The following XYLT1 variants were observed in gnomAD, a reference collection of about 807,000 sequenced individuals.
XYLT1 encodes the protein beta-D-xylosyltransferase 1.
In XYLT1, 36 loss-of-function variants were observed where a neutral mutation model predicts 91.3. The ratio of observed to expected loss-of-function variants is 0.39; its 90% CI spans 0.30 to 0.52. The LOEUF is 0.52. Among genes scored for constraint, XYLT1 ranks in the 20% least tolerant of loss-of-function variants. The pLI, the probability that XYLT1 is intolerant of heterozygous loss-of-function variation, is 0.68. For missense variants in XYLT1, 1,242 were observed against 1,284.5 expected (o/e 0.97, Z 0.51); for synonymous variants, 588 against 532.0 (o/e 1.11, Z -1.45).
intron 4 of XYLT1, among the ~76,000 whole-genome samples, chr16:17,199,562 C>T (rs534220603): frequency 7.2e-5 from 11 of 152,296 alleles, no homozygotes; most frequent in East Asian, 3.9e-4. Flanking sequence ...ATAATTCCCA[C>T]GTGTTATGGG....
intron 1 of XYLT1, among the ~76,000 whole-genome samples, chr16:17,366,539 A>G (rs566668624): frequency 1.3e-5 from 2 of 152,304 alleles, no homozygotes; most frequent in Admixed American, 1.3e-4. Flanking sequence ...TACTAAAAAT[A>G]TAAAACTTAG....
chr16:17,227,148 T>C (rs2033080318), intron 3 of XYLT1: 1 of 152,274 alleles, frequency 6.6e-6, no homozygotes, highest in South Asian at 2.1e-4. Context: ...TCAGACATGC[T>C]AACCAACAAC....
intron 1 of XYLT1, among the ~76,000 whole-genome samples, chr16:17,401,825 T>C (rs2035972327): frequency 6.6e-6 from 1 of 151,902 alleles, no homozygotes. Context: ...CAGAAATAAT[T>C]AGAAAATAAA....
intron 3 of XYLT1, among the ~76,000 whole-genome samples, chr16:17,218,398 T>G (rs1233533957): frequency 2.0e-5 from 3 of 151,944 alleles, no homozygotes; most frequent in Admixed American, 6.6e-5. Flanking sequence ...CTTTTCTGTA[T>G]TTTTAAGACT....
At chr16:17,222,962 G>C (rs1352958511) in intron 3 of XYLT1, among the ~76,000 whole-genome samples, 4 of 151,212 alleles carry the variant, frequency 2.6e-5, no homozygotes, top group African/African-American at 4.9e-5. Context: ...CGGGGGCTGG[G>C]ACTAGGCGCT....
At chr16:17,125,374 C>A (rs2030223390) in intron 10 of XYLT1, among the ~76,000 whole-genome samples, 1 of 152,152 alleles carries the variant, frequency 6.6e-6, no homozygotes, top group Admixed American at 6.5e-5. Flanking sequence ...TCTATCTTTC[C>A]ATTGCATTTA....
At chr16:17,129,785 C>G (rs1001177224) in intron 9 of XYLT1, among the ~76,000 whole-genome samples, 1 of 152,180 alleles carries the variant, frequency 6.6e-6, no homozygotes, top group African/African-American at 2.4e-5. Context: ...CCACTTGTGG[C>G]TACCGTATTG....
intron 1 of XYLT1, among the ~76,000 whole-genome samples, chr16:17,418,204 G>A (rs549072051): frequency 8.9e-4 from 135 of 152,328 alleles, no homozygotes; most frequent in African/African-American, 3.1e-3. Flanking sequence ...AACCCTGTAA[G>A]ATCCAGCATA....
rs2141528689 is a variant in XYLT1 at position 17,147,999 on chromosome 16, C to A, written c.1371-6630G>T. 2.6e-5 allele frequency among the ~76,000 whole-genome samples: 4 copies of A among 152,328 alleles called. No homozygotes were observed. In the Middle Eastern group the frequency reaches 0.014, roughly 518 times the overall value. On this transcript the variant is annotated intron_variant, in intron 6 of 11. Transcript: ENST00000261381. ...AGTAGGTTACCTGGGGCAACTGGGG[C>A]AACAGGTGACACTACAGCAAACAGA...
intron 7 of XYLT1, among the ~76,000 whole-genome samples, chr16:17,139,902 G>A (rs908152101): frequency 1.1e-4 from 16 of 152,312 alleles, no homozygotes; most frequent in Admixed American, 6.5e-4. Flanking sequence ...AGCCCTCCCC[G>A]GAGCTTGGCA....
intron 1 of XYLT1, among the ~76,000 whole-genome samples, chr16:17,383,752 C>CTTTATTTTTTT (rs2035712061): frequency 1.5e-5 from 2 of 135,596 alleles, no homozygotes; most frequent in Non-Finnish European, 3.2e-5. Context: ...GTGGAATTTT[C>CTTTATTTTTTT]TTTTTTTTTT....
chr16:17,346,649 C>T (rs917313484), intron 2 of XYLT1, among the ~76,000 whole-genome samples: 4 of 152,192 alleles, frequency 2.6e-5, no homozygotes, highest in African/African-American at 9.6e-5. Flanking sequence ...GAGTCCAGGG[C>T]CATGAAATGA....
intron 1 of XYLT1, among the ~76,000 whole-genome samples, chr16:17,433,772 A>T (rs1454517736): frequency 6.6e-6 from 1 of 152,214 alleles, no homozygotes; most frequent in Non-Finnish European, 1.5e-5. Flanking sequence ...TGAATCAGGA[A>T]CACTAGCTTC....
At chr16:17,387,893 A>G (rs1382424471) in intron 1 of XYLT1, among the ~76,000 whole-genome samples, 1 of 152,344 alleles carries the variant, frequency 6.6e-6, no homozygotes, top group East Asian at 1.9e-4. Context: ...CATAAAAAAC[A>G]GTGATATTGC....
intron 2 of XYLT1, among the ~76,000 whole-genome samples, chr16:17,340,819 C>G (rs6498684): frequency 0.65 from 98,308 of 152,084 alleles, 32,693 homozygotes; most frequent in African/African-American, 0.77. Context: ...CCATCATTAT[C>G]CATCATTTCC....
chr16:17,127,621 G>T, intron 10 of XYLT1, 45 bp downstream of exon 10: 1 of 1,582,696 alleles, frequency 6.3e-7, no homozygotes, highest in Non-Finnish European at 8.6e-7. Flanking sequence ...TCTGGCCGAG[G>T]GAAATGCAAA....
chr16:17,267,442 C>T (rs2033823106), intron 2 of XYLT1, among the ~76,000 whole-genome samples: 1 of 152,266 alleles, frequency 6.6e-6, no homozygotes, highest in Non-Finnish European at 1.5e-5. Flanking sequence ...GAGTCTCGCT[C>T]TGTCGCCCAG....
At chr16:17,125,703 A>C (rs1396749246) in intron 10 of XYLT1, among the ~76,000 whole-genome samples, 1 of 152,084 alleles carries the variant, frequency 6.6e-6, no homozygotes, top group Admixed American at 6.5e-5. Flanking sequence ...CACATGAATG[A>C]AGTTTTCTCT....
intron 2 of XYLT1, among the ~76,000 whole-genome samples, chr16:17,261,194 G>GATTGCAC (rs1165542382): frequency 1.4e-5 from 2 of 144,080 alleles, no homozygotes. Context: ...AGTGAGCTGA[G>GATTGCAC]ATTGCACCAA....
Sources: gnomAD v4.1 joint callset for allele counts (sites outside exome capture counted in the v4.1 genomes callset) on GRCh38, gnomAD v4.1.1 for gene constraint, MANE v1.5 for transcripts, NCBI Gene and HGNC (gene_info 2026-07-23, HGNC 2026-07-21) for gene names.